Variants in PAG1 observed in about 807,000 individuals in gnomAD.
PAG1 encodes phosphoprotein associated with glycosphingolipid-enriched microdomains 1.
In PAG1, 23 loss-of-function variants were observed where a neutral mutation model predicts 31.7. The ratio of observed to expected loss-of-function variants is 0.73; its 90% CI spans 0.52 to 1.03. PAG1 has a LOEUF of 1.03. Among genes scored for constraint, PAG1 ranks in the 50% least tolerant of loss-of-function variants. The probability of loss-of-function intolerance (pLI) is 0.00; values close to 1 mark genes in which losing one functional copy is unlikely to be tolerated. For synonymous variants in PAG1, 214 were observed against 210.3 expected (o/e 1.02, Z -0.15); for missense variants, 473 against 540.7 (o/e 0.87, Z 1.24).
rs1291560361 is a variant in PAG1, at chr8:81,063,088, T to C, written c.-175+7024A>G. On this transcript the variant is annotated intron_variant, in intron 2 of 8. Coordinates refer to ENST00000220597, the MANE Select transcript of PAG1 (RefSeq NM_018440.4). ...GCCCCTTTTCTTAGTCATGAATAAC[T>C]ATGAGAAACTTGGAATTTAAATATC... is the stretch of plus-strand genomic sequence containing the variant. Among the ~76,000 whole-genome samples the C allele has an allele frequency of 3.3e-5, 5 of 152,220 alleles. No individual in the cohort carries two copies. In the East Asian group the frequency reaches 9.6e-4, roughly 29 times the overall value.
chr8:81,106,326 G>A (rs1227669064), intron 1 of PAG1, among the ~76,000 whole-genome samples: 4 of 152,000 alleles, frequency 2.6e-5, no homozygotes, highest in South Asian at 2.1e-4. Flanking sequence ...GATTACAGGC[G>A]TGAGTCACCG....
At chr8:80,993,685 C>G (rs1359417505) in intron 3 of PAG1, among the ~76,000 whole-genome samples, 4 of 151,732 alleles carry the variant, frequency 2.6e-5, no homozygotes, top group African/African-American at 9.7e-5. Flanking sequence ...GCAGCCTTGA[C>G]CTCCCTGGGC....
In PAG1 at chr8:80,968,416, C is replaced by T. The variant is rs1293645952; in HGVS notation, c.*8128G>A. 1 of 152,202 alleles carries T rather than the reference C, an allele frequency of 6.6e-6. No homozygotes were observed. Among genetic ancestry groups the T allele is most frequent in the Non-Finnish European group, 1.5e-5 (1 of 68,030 alleles). The allele number at this position is 152,202 out of a possible 1,614,324, so 9.4% of individuals were successfully genotyped here. The stretch of plus-strand genomic sequence containing the variant: ...AGGGACCACAGCCCTGTGCTCTTGT[C>T]TCCAAAACCCATGTTTCCCTTTACA... On this transcript the variant is annotated 3_prime_UTR_variant, in exon 9 of 9. Transcript: ENST00000220597.
rs1807046167 is a variant in PAG1 at position 80,970,126 on chromosome 8, T to G, written c.*6418A>C. 2 of 152,280 alleles carry G rather than the reference T, an allele frequency of 1.3e-5. No homozygotes were observed. The highest frequency in any genetic ancestry group is 2.9e-5 in the Non-Finnish European group (2 of 68,118). 9.4% of individuals were successfully genotyped at this position (152,280 alleles called of 1,614,324 possible). A position where few individuals can be genotyped will look rare whatever the true frequency, so the allele number is the denominator to read the frequency against. On this transcript the variant is annotated 3_prime_UTR_variant, in exon 9 of 9. Transcript: ENST00000220597. ...AAGGTTTTTTTTTTGTTTTTGTTTT[T>G]GAGATGGAGTCTTGCTCTGTCGCCC...
chr8:81,078,078 T>C (rs544453627), intron 1 of PAG1, among the ~76,000 whole-genome samples: 2 of 152,330 alleles, frequency 1.3e-5, no homozygotes, highest in South Asian at 2.1e-4. Flanking sequence ...GGTACAGAAG[T>C]AGGAAAATAC....
At chr8:81,058,165 T>C (rs182774534) in intron 2 of PAG1, among the ~76,000 whole-genome samples, 25 of 152,292 alleles carry the variant, frequency 1.6e-4, no homozygotes, top group East Asian at 9.7e-4. Flanking sequence ...CTAATCTTAG[T>C]TCCTGCTAAG....
intron 1 of PAG1, among the ~76,000 whole-genome samples, chr8:81,078,034 C>T (rs1433597248): frequency 6.6e-6 from 1 of 152,180 alleles, no homozygotes; most frequent in African/African-American, 2.4e-5. Context: ...TCCGACATGG[C>T]CATTGTTATA....
At chr8:81,000,628 G>A (rs1262491852) in intron 3 of PAG1, among the ~76,000 whole-genome samples, 1 of 152,134 alleles carries the variant, frequency 6.6e-6, no homozygotes, top group Non-Finnish European at 1.5e-5. Flanking sequence ...TTTTAGTAGA[G>A]ATGGGGTTTC....
chr8:81,033,024 A>G (rs148132238), intron 2 of PAG1, among the ~76,000 whole-genome samples: 76 of 152,328 alleles, frequency 5.0e-4, no homozygotes, highest in African/African-American at 1.7e-3. Context: ...ATACATAGAG[A>G]TAGAAAGTAG....
chr8:81,059,199 G>A (rs554668643), intron 2 of PAG1, among the ~76,000 whole-genome samples: 1 of 151,988 alleles, frequency 6.6e-6, no homozygotes, highest in Non-Finnish European at 1.5e-5. Context: ...TGCTATGTAA[G>A]TAGTTGATAT....
chr8:81,054,380 C>A (rs535246689), intron 2 of PAG1, among the ~76,000 whole-genome samples: 3 of 152,218 alleles, frequency 2.0e-5, no homozygotes, highest in East Asian at 1.9e-4. Context: ...ACAGCTAACA[C>A]GAGGCACAGG....
intron 8 of PAG1, 74 bp from the exon 9 acceptor site, chr8:80,976,980 A>G: frequency 7.1e-7 from 1 of 1,400,828 alleles, no homozygotes. Context: ...GACAAGCTAC[A>G]TACTGAGCAC....
intron 3 of PAG1, among the ~76,000 whole-genome samples, chr8:81,002,338 T>C (rs1007119873): frequency 6.6e-6 from 1 of 152,354 alleles, no homozygotes; most frequent in Admixed American, 6.5e-5. Context: ...GCTCATGATA[T>C]TGAAAAGATC....
intron 1 of PAG1, among the ~76,000 whole-genome samples, chr8:81,104,371 A>ACCTTGG (rs146899488): frequency 0.096 from 13,320 of 138,272 alleles, 1,982 homozygotes; most frequent in African/African-American, 0.32. Context: ...TCTGACAGCC[A>ACCTTGG]CCTTGGCCTT....
intron 1 of PAG1, among the ~76,000 whole-genome samples, chr8:81,108,094 T>C (rs1398699547): frequency 2.6e-5 from 4 of 152,184 alleles, no homozygotes; most frequent in African/African-American, 9.7e-5. Flanking sequence ...AGATAACAGA[T>C]AACATAGATG....
chr8:81,103,996 G>A (rs2131123644), intron 1 of PAG1, among the ~76,000 whole-genome samples: 1 of 152,290 alleles, frequency 6.6e-6, no homozygotes, highest in African/African-American at 2.4e-5. Flanking sequence ...AGCTTCTTGA[G>A]ATCCAGAAAA....
chr8:81,112,059 C>A lies in PAG1; in HGVS notation c.-702G>T, dbSNP rs1374350453. ...CCGCAGCCAGCACTCGCCGCCGCGCCGCGGAGAATGACAGGCGCCGAGGCG... is the reference window on the plus strand; with the variant it reads ...CCGCAGCCAGCACTCGCCGCCGCGCAGCGGAGAATGACAGGCGCCGAGGCG... On this transcript the variant is annotated 5_prime_UTR_variant, in exon 1 of 9. Transcript: ENST00000220597. The A allele has an allele frequency of 1.3e-5, 2 of 152,146 alleles. No homozygotes were observed. The highest frequency in any genetic ancestry group is 2.9e-5 in the Non-Finnish European group (2 of 68,034). The allele number at this position is 152,146 out of a possible 1,614,324, so 9.4% of individuals were successfully genotyped here.
At chr8:81,090,521 A>G (rs1405743953) in intron 1 of PAG1, among the ~76,000 whole-genome samples, 3 of 152,260 alleles carry the variant, frequency 2.0e-5, no homozygotes, top group Non-Finnish European at 4.4e-5. Context: ...CTCATAGTCC[A>G]GTGGGAGAAA....
intron 3 of PAG1, among the ~76,000 whole-genome samples, chr8:81,001,693 C>T (rs955410759): frequency 2.0e-5 from 3 of 152,182 alleles, no homozygotes. Context: ...TTTATTTCGT[C>T]CTCATGACCC....
Sources: allele counts gnomAD v4.1 joint callset (sites outside exome capture counted in the v4.1 genomes callset), GRCh38; gene constraint gnomAD v4.1.1; transcripts MANE v1.5; gene names NCBI Gene and HGNC (gene_info 2026-07-23, HGNC 2026-07-21).